The following CTDP1 variants were observed in gnomAD, a reference collection of about 807,000 sequenced individuals.
CTDP1 encodes the protein RNA polymerase II subunit A C-terminal domain phosphatase.
Under a neutral mutation model 91.8 loss-of-function variants are expected in CTDP1, and 47 were observed. The ratio of observed to expected loss-of-function variants is 0.51; its 90% CI spans 0.41 to 0.65. CTDP1 has a LOEUF of 0.65. Ranked by LOEUF, CTDP1 falls within the 30% of genes least tolerant of loss-of-function variation. CTDP1 has a pLI of 0.00. For synonymous variants in CTDP1, 656 were observed against 598.5 expected, an observed-to-expected ratio of 1.10 and a Z score of -1.40; for missense variants, 1,272 against 1,373.7, an observed-to-expected ratio of 0.93 and a Z score of 1.17.
At chr18:79,726,377 A>T (rs1362964570) in intron 10 of CTDP1, among the ~76,000 whole-genome samples, 1 of 152,158 alleles carries the variant, frequency 6.6e-6, no homozygotes, top group African/African-American at 2.4e-5. Context: ...TGTTTCAAGC[A>T]TACTTGCAAT....
At chr18:79,682,648 AG>A (rs2085399194) in intron 1 of CTDP1, among the ~76,000 whole-genome samples, 1 of 152,166 alleles carries the variant, frequency 6.6e-6, no homozygotes, top group African/African-American at 2.4e-5. Flanking sequence ...CTGGGTGTGG[AG>A]CCCAGCCTGT....
At chr18:79,677,809 T>C (rs1425413629), upstream of CTDP1, 1 of 152,114 alleles carries the variant, frequency 6.6e-6, no homozygotes, top group East Asian at 1.9e-4. Context: ...CCTTACAGTG[T>C]GAACCAGGGG....
At chr18:79,703,812 T>G (rs201607017) in intron 4 of CTDP1, among the ~76,000 whole-genome samples, 2 of 152,170 alleles carry the variant, frequency 1.3e-5, no homozygotes, top group East Asian at 3.9e-4. Flanking sequence ...GAGTAGTTAG[T>G]GTAGCTATCA....
At chr18:79,738,029 C>T (rs951296034) in intron 12 of CTDP1, among the ~76,000 whole-genome samples, 8 of 148,402 alleles carry the variant, frequency 5.4e-5, no homozygotes, top group East Asian at 4.0e-4. Context: ...CGCCTCCCCC[C>T]GCCCGCCCTG....
At chr18:79,705,076 A>T (rs1441912620) in intron 5 of CTDP1, among the ~76,000 whole-genome samples, 159 bp downstream of exon 5, 2 of 152,040 alleles carry the variant, frequency 1.3e-5, no homozygotes, top group African/African-American at 4.8e-5. Flanking sequence ...GAGGTAAGGG[A>T]ATTCTGCCAC....
intron 10 of CTDP1, among the ~76,000 whole-genome samples, chr18:79,727,762 G>T (rs2086480419): frequency 6.6e-6 from 1 of 152,178 alleles, no homozygotes; most frequent in Non-Finnish European, 1.5e-5. Context: ...GAGCGAGTTG[G>T]TATCTGGGAC....
intron 11 of CTDP1, among the ~76,000 whole-genome samples, chr18:79,734,651 A>C (rs1020720831): frequency 3.3e-5 from 5 of 152,262 alleles, no homozygotes; most frequent in African/African-American, 1.2e-4. Context: ...CTTGGCTGTC[A>C]AGTGTAAAAT....
At position 79,714,513 on chromosome 18, in the gene CTDP1, G is replaced by A. The variant is rs749027097; in HGVS notation, c.1053G>A (p.Glu351=). Residue 351 remains glutamate, a synonymous_variant, in exon 8 of 13, where the codon GAG becomes GAA. Transcript: ENST00000613122. ...TAGTAAATCATTCTCGAGGCACTGA[G>A]GTCTCAGAGCCATCTCCGCCCGTGA... is the stretch of plus-strand genomic sequence containing the variant. The part of the protein sequence containing the change: ...RKKVNHSRGT[E]VSEPSPPVRD... 2 of 1,613,152 alleles carry A rather than the reference G, an allele frequency of 1.2e-6. No homozygotes were observed. The highest frequency in any genetic ancestry group is 1.7e-6 in the Non-Finnish European group (2 of 1,180,042).
At chr18:79,741,823 A>T (rs2086783988) in intron 12 of CTDP1, among the ~76,000 whole-genome samples, 1 of 152,260 alleles carries the variant, frequency 6.6e-6, no homozygotes, top group Admixed American at 6.5e-5. Flanking sequence ...ACACTCACAC[A>T]TCAAAGTTGT....
intron 5 of CTDP1, among the ~76,000 whole-genome samples, chr18:79,706,058 G>A (rs2085961001): frequency 6.6e-6 from 1 of 152,190 alleles, no homozygotes; most frequent in South Asian, 2.1e-4. Flanking sequence ...GTCCCAGGGC[G>A]AGGGTGTTAG....
intron 11 of CTDP1, chr18:79,736,079 A>G (rs1460496792): frequency 3.8e-6 from 2 of 526,062 alleles, no homozygotes; most frequent in Non-Finnish European, 6.9e-6. Flanking sequence ...CACCAGGAAT[A>G]AAGTCCCTGT....
At chr18:79,719,424 C>T (rs1790665742) in intron 10 of CTDP1, among the ~76,000 whole-genome samples, 1 of 152,108 alleles carries the variant, frequency 6.6e-6, no homozygotes, top group African/African-American at 2.4e-5. Flanking sequence ...TGGGATGAAT[C>T]TGAGGTCCTC....
intron 10 of CTDP1, among the ~76,000 whole-genome samples, chr18:79,724,867 C>T (rs959907981): frequency 2.0e-5 from 3 of 152,180 alleles, no homozygotes; most frequent in East Asian, 3.9e-4. Flanking sequence ...GCCGCATTGT[C>T]GCCGGCGCCG....
intron 12 of CTDP1, among the ~76,000 whole-genome samples, chr18:79,740,518 T>G (rs2086754921): frequency 6.6e-6 from 1 of 152,176 alleles, no homozygotes; most frequent in Non-Finnish European, 1.5e-5. Context: ...GTGGTTTGAG[T>G]TTTTTATTTT....
Position 79,710,353 on chromosome 18 carries a change from A to C in CTDP1, c.780A>C (p.Leu260Phe), listed in dbSNP as rs148352897. 2.5e-6 allele frequency: 4 copies of C among 1,613,596 alleles called. No individual in the cohort carries two copies. The highest frequency in any genetic ancestry group is 3.4e-6 in the Non-Finnish European group (4 of 1,179,648). Residue 260 changes from leucine to phenylalanine, a missense_variant, in exon 6 of 13, where the codon TTA becomes TTC. By Grantham distance (22) the Leu-to-Phe change is conservative. Coordinates refer to ENST00000613122, the MANE Select transcript of CTDP1 (RefSeq NM_004715.5). ...RLYAHTIAGFLDPEKKLFSHR... is the reference protein window; with the variant it reads ...RLYAHTIAGFFDPEKKLFSHR... ...CCTGTTTTCTTTTCCAAGGCTTTTT[A>C]GACCCCGAGAAGAAGCTTTTTTCTC...
chr18:79,748,056 C>T (rs2086916110), intron 12 of CTDP1, among the ~76,000 whole-genome samples: 1 of 152,162 alleles, frequency 6.6e-6, no homozygotes, highest in Admixed American at 6.5e-5. Flanking sequence ...AAATTTTCCC[C>T]AAATTCTATC....
intron 11 of CTDP1, 103 bp from the exon 12 acceptor site, chr18:79,736,252 C>A (rs115700428): frequency 2.1e-6 from 3 of 1,452,754 alleles, no homozygotes; most frequent in Non-Finnish European, 2.8e-6. Context: ...CTCCAGCCCC[C>A]ACCCTGCTGC....
intron 5 of CTDP1, among the ~76,000 whole-genome samples, chr18:79,709,595 T>C (rs971643222): frequency 4.6e-5 from 7 of 152,224 alleles, no homozygotes; most frequent in African/African-American, 1.7e-4. Context: ...ACGGATGTCA[T>C]GTGAAGTGCA....
chr18:79,744,199 T>G (rs977049101), intron 12 of CTDP1, among the ~76,000 whole-genome samples: 7 of 152,344 alleles, frequency 4.6e-5, no homozygotes, highest in South Asian at 2.1e-4. Context: ...ATATGTTCTT[T>G]CATGTCTCAT....
Sources: allele counts gnomAD v4.1 joint callset (sites outside exome capture counted in the v4.1 genomes callset), GRCh38; gene constraint gnomAD v4.1.1; transcripts MANE v1.5; gene names NCBI Gene and HGNC (gene_info 2026-07-23, HGNC 2026-07-21).